SLC1A1: variants seen among roughly 807,000 people sequenced by gnomAD.
SLC1A1 encodes the protein solute carrier family 1 member 1, also known as excitatory amino acid transporter 3.
SLC1A1 carries 43 observed loss-of-function variants against 53.3 expected under a neutral mutation model. The ratio of observed to expected loss-of-function variants is 0.81; its 90% confidence interval spans 0.63 to 1.04. The LOEUF is 1.04. Among genes scored for constraint, SLC1A1 ranks in the 50% least tolerant of loss-of-function variants. The pLI is 0.00. For missense variants in SLC1A1, 748 were observed against 664.9 expected (o/e 1.12, Z -1.37); for synonymous variants, 307 against 243.2 (o/e 1.26, Z -2.44).
intron 2 of SLC1A1, chr9:4,559,756 C>A (rs1376539939): frequency 6.6e-6 from 1 of 152,172 alleles, no homozygotes. Context: ...TATAATGCTC[C>A]TTTGACTCAA....
rs569461690 is a variant in SLC1A1 at position 4,572,925 on chromosome 9, T to C, written c.767+537T>C. Among the ~76,000 whole-genome samples the C allele has an allele frequency of 2.2e-4, 33 of 152,360 alleles. No homozygotes were observed. The East Asian group carries it at 6.2e-3, about 28-fold the overall frequency. ...ACAGAAGTCTAGCTATCAACCATTG[T>C]CTTTTCCCTCAAAGCCTTGGGAGAT... On this transcript the variant is annotated intron_variant, in intron 7 of 11. Coordinates refer to ENST00000262352, the MANE Select transcript of SLC1A1 (RefSeq NM_004170.6).
chr9:4,517,405 C>G (rs1203620781), intron 1 of SLC1A1, among the ~76,000 whole-genome samples: 1 of 152,210 alleles, frequency 6.6e-6, no homozygotes, highest in Non-Finnish European at 1.5e-5. Flanking sequence ...GTGGCAGGAG[C>G]AGCGTCCTCT....
intron 1 of SLC1A1, among the ~76,000 whole-genome samples, chr9:4,535,315 C>G (rs960003896): frequency 6.6e-6 from 1 of 152,144 alleles, no homozygotes; most frequent in Non-Finnish European, 1.5e-5. Flanking sequence ...ACCCCATTGT[C>G]TCAGCCCAAA....
intron 1 of SLC1A1, among the ~76,000 whole-genome samples, chr9:4,531,672 C>T (rs1477272802): frequency 6.6e-6 from 1 of 152,168 alleles, no homozygotes; most frequent in Non-Finnish European, 1.5e-5. Flanking sequence ...CCTCTGCAGA[C>T]TTAAATGTCT....
Position 4,490,586 on chromosome 9 carries a change from C to T in SLC1A1, c.-94C>T. 3.1e-6 allele frequency: 3 copies of T among 983,290 alleles called. No homozygotes were observed. The highest frequency in any genetic ancestry group is 4.7e-6 in the Non-Finnish European group (3 of 634,316). 60.9% of individuals were successfully genotyped at this position (983,290 alleles called of 1,614,324 possible). ...GGCTCTCACCTCTCCCCTGTGCACC[C>T]GCATCTCGCCGCGCCGCCGAGCAGC... On this transcript the variant is annotated 5_prime_UTR_variant, in exon 1 of 12. Coordinates refer to ENST00000262352, the MANE Select transcript of SLC1A1 (RefSeq NM_004170.6).
chr9:4,494,652 T>A (rs2130789232), intron 1 of SLC1A1, among the ~76,000 whole-genome samples: 1 of 150,808 alleles, frequency 6.6e-6, no homozygotes, highest in East Asian at 1.9e-4. Flanking sequence ...TATTTAAATA[T>A]ATAATTTATA....
chr9:4,494,580 G>T (rs775818632), intron 1 of SLC1A1, among the ~76,000 whole-genome samples: 1 of 151,738 alleles, frequency 6.6e-6, no homozygotes, highest in Non-Finnish European at 1.5e-5. Context: ...AAGAGGAAAT[G>T]GAAAGAATGA....
chr9:4,565,915 T>C (rs1819439773), intron 4 of SLC1A1, 132 bp from the exon 5 acceptor site: 6 of 770,920 alleles, frequency 7.8e-6, no homozygotes, highest in African/African-American at 3.4e-5. Context: ...CAAGGAAGTA[T>C]TACGCAAAGC....
chr9:4,577,826 A>T (rs899384349), intron 10 of SLC1A1, among the ~76,000 whole-genome samples: 1 of 152,166 alleles, frequency 6.6e-6, no homozygotes, highest in Admixed American at 6.6e-5. Flanking sequence ...ATTGGATGGG[A>T]GCAGGGACCA....
chr9:4,502,954 T>C (rs879693283), intron 1 of SLC1A1, among the ~76,000 whole-genome samples: 3 of 151,752 alleles, frequency 2.0e-5, no homozygotes, highest in Non-Finnish European at 4.4e-5. Context: ...CTCATCTAGT[T>C]GCTTTCCCAG....
intron 1 of SLC1A1, among the ~76,000 whole-genome samples, chr9:4,515,974 A>G (rs969005197): frequency 5.9e-5 from 9 of 152,154 alleles, no homozygotes; most frequent in African/African-American, 2.2e-4. Flanking sequence ...GTTGTTAGGA[A>G]AGTTTCTCCT....
At chr9:4,580,493 AT>A (rs1820957252) in intron 10 of SLC1A1, among the ~76,000 whole-genome samples, 1 of 151,716 alleles carries the variant, frequency 6.6e-6, no homozygotes, top group Middle Eastern at 3.4e-3. Flanking sequence ...AGGCAAGAAG[AT>A]CGCTTGAGCC....
At chr9:4,540,935 C>A (rs1363109763) in intron 1 of SLC1A1, among the ~76,000 whole-genome samples, 1 of 152,126 alleles carries the variant, frequency 6.6e-6, no homozygotes, top group Non-Finnish European at 1.5e-5. Flanking sequence ...AAGTTATGGC[C>A]CAGGTTCCAC....
At chr9:4,523,680 C>G (rs963997937) in intron 1 of SLC1A1, among the ~76,000 whole-genome samples, 1 of 152,200 alleles carries the variant, frequency 6.6e-6, no homozygotes, top group Non-Finnish European at 1.5e-5. Flanking sequence ...ATGAGAAAAT[C>G]TATAAAGAGT....
intron 1 of SLC1A1, among the ~76,000 whole-genome samples, chr9:4,521,002 T>A (rs932558431): frequency 6.6e-6 from 1 of 152,254 alleles, no homozygotes; most frequent in Non-Finnish European, 1.5e-5. Flanking sequence ...GTGGTTTTGA[T>A]TTATATTTCC....
At chr9:4,552,224 G>A (rs188927436) in intron 2 of SLC1A1, among the ~76,000 whole-genome samples, 4 of 152,260 alleles carry the variant, frequency 2.6e-5, no homozygotes, top group African/African-American at 4.8e-5. Flanking sequence ...TAATGAGCCA[G>A]GCTCTGCTAG....
chr9:4,502,893 G>T (rs1049709292), intron 1 of SLC1A1, among the ~76,000 whole-genome samples: 2 of 151,406 alleles, frequency 1.3e-5, no homozygotes, highest in East Asian at 1.9e-4. Context: ...AGTCCTTTCC[G>T]CTACGCTTCT....
chr9:4,550,640 CT>C (rs1187369011), intron 2 of SLC1A1, among the ~76,000 whole-genome samples: 2 of 152,190 alleles, frequency 1.3e-5, no homozygotes, highest in Non-Finnish European at 1.5e-5. Flanking sequence ...AGCCTCCCAC[CT>C]TGGCTTCCCA....
chr9:4,541,458 A>G (rs1209591507), intron 1 of SLC1A1, among the ~76,000 whole-genome samples: 1 of 152,238 alleles, frequency 6.6e-6, no homozygotes, highest in Non-Finnish European at 1.5e-5. Flanking sequence ...TTTAAAAGCA[A>G]GTATTTAACA....
Sources: allele counts gnomAD v4.1 joint callset (sites outside exome capture counted in the v4.1 genomes callset), GRCh38; gene constraint gnomAD v4.1.1; transcripts MANE v1.5; gene names NCBI Gene and HGNC (gene_info 2026-07-23, HGNC 2026-07-21).